NDRG1: variants seen among roughly 807,000 people sequenced by gnomAD.
The protein encoded by NDRG1 is protein NDRG1.
NDRG1 carries 32 observed loss-of-function variants against 56.9 expected under a neutral mutation model. That is an observed-to-expected ratio of 0.56 (90% confidence interval 0.42 to 0.76). NDRG1 has a LOEUF of 0.76. NDRG1 is among the 30% of genes least tolerant of loss of function. The probability of loss-of-function intolerance (pLI) is 0.00; values close to 1 mark genes in which losing one functional copy is unlikely to be tolerated. For missense variants in NDRG1, 507 were observed against 545.7 expected (o/e 0.93, Z 0.71); for synonymous variants, 211 against 204.1 (o/e 1.03, Z -0.29).
chr8:133,244,055 T>G (rs1855530405), intron 14 of NDRG1, among the ~76,000 whole-genome samples: 3 of 152,136 alleles, frequency 2.0e-5, no homozygotes, highest in Admixed American at 2.0e-4. Context: ...CTTGCGGCCC[T>G]TCACTCCAGC....
intron 14 of NDRG1, among the ~76,000 whole-genome samples, chr8:133,243,579 C>T (rs1855499791): frequency 1.3e-5 from 2 of 152,178 alleles, no homozygotes; most frequent in African/African-American, 4.8e-5. Context: ...GTGCTGGTGT[C>T]CTCGAAGCCT....
At chr8:133,250,176 T>G (rs1855933893) in intron 10 of NDRG1, among the ~76,000 whole-genome samples, 1 of 152,174 alleles carries the variant, frequency 6.6e-6, no homozygotes, top group Non-Finnish European at 1.5e-5. Flanking sequence ...ACCCTCTGAG[T>G]GTGCGACTGC....
chr8:133,247,843 A>T, intron 12 of NDRG1, 32 bp downstream of exon 12: 1 of 1,612,844 alleles, frequency 6.2e-7, no homozygotes, highest in Non-Finnish European at 8.5e-7. Flanking sequence ...CTGTTGAATT[A>T]AACACAGAAA....
intron 10 of NDRG1, 36 bp from the exon 11 acceptor site, chr8:133,248,807 C>T: frequency 1.2e-6 from 2 of 1,613,392 alleles, no homozygotes; most frequent in Non-Finnish European, 8.5e-7. Context: ...CATGAGGACC[C>T]CTCCCCTGGA....
intron 3 of NDRG1, among the ~76,000 whole-genome samples, chr8:133,268,989 C>T (rs957318889): frequency 7.2e-5 from 11 of 152,322 alleles, no homozygotes; most frequent in East Asian, 3.9e-4. Context: ...CACTCACAAA[C>T]ACAGGCCTTT....
At chr8:133,296,491 C>T (rs938958029) in intron 1 of NDRG1, 5 of 456,136 alleles carry the variant, frequency 1.1e-5, no homozygotes, top group Non-Finnish European at 2.2e-5. Context: ...CCCACACACA[C>T]GCTTACACTC....
At position 133,297,152 on chromosome 8, in the gene NDRG1, G is replaced by T. The variant is rs921475891; in HGVS notation, c.-37C>A. 1.1e-4 allele frequency: 17 copies of T among 152,394 alleles called. No homozygotes were observed. The highest frequency in any genetic ancestry group is 4.1e-4 in the African/African-American group (17 of 41,470). The allele number at this position is 152,394 out of a possible 1,614,324, so 9.4% of individuals were successfully genotyped here. A position where few individuals can be genotyped will look rare whatever the true frequency, so the allele number is the denominator to read the frequency against. ...GGCTTACCTAACGCGAGGGAGAAAG[G>T]AAAGGACGGTGCCGAGGCTGGCGGC... On this transcript the variant is annotated 5_prime_UTR_variant, in exon 1 of 16. Coordinates refer to ENST00000323851, the MANE Select transcript of NDRG1 (RefSeq NM_006096.4).
At chr8:133,270,567 G>T (rs55773480) in intron 3 of NDRG1, among the ~76,000 whole-genome samples, 11,705 of 152,162 alleles carry the variant, frequency 0.077, 629 homozygotes, top group Middle Eastern at 0.13. Context: ...TTGACCTTTT[G>T]ATTCTTGTCC....
chr8:133,281,017 T>C (rs954629771), intron 2 of NDRG1: 2 of 152,218 alleles, frequency 1.3e-5, no homozygotes, highest in Admixed American at 6.5e-5. Flanking sequence ...CTCTTGTGAG[T>C]AGAAGAGGCA....
At chr8:133,261,955 G>A (rs1856679127) in intron 5 of NDRG1, 92 bp downstream of exon 5, 11 of 1,469,438 alleles carry the variant, frequency 7.5e-6, no homozygotes, top group Middle Eastern at 1.8e-4. Context: ...TTTTACCACA[G>A]TTAAAAAGTA....
intron 3 of NDRG1, among the ~76,000 whole-genome samples, chr8:133,272,628 T>C (rs1001685005): frequency 3.3e-5 from 5 of 152,200 alleles, no homozygotes; most frequent in Non-Finnish European, 7.3e-5. Flanking sequence ...ACCTCTCCTG[T>C]TCCATTGGAG....
intron 6 of NDRG1, 51 bp downstream of exon 6, chr8:133,259,117 A>G (rs1856532997): frequency 6.3e-7 from 1 of 1,585,414 alleles, no homozygotes; most frequent in Non-Finnish European, 8.7e-7. Flanking sequence ...GGAAGATGCT[A>G]GAAACCAGGC....
rs112087596 is a variant in NDRG1 at position 133,237,258 on chromosome 8, T to C, written c.*1620A>G. On this transcript the variant is annotated 3_prime_UTR_variant, in exon 16 of 16. Coordinates refer to ENST00000323851, the MANE Select transcript of NDRG1 (RefSeq NM_006096.4). ...CTCTGGAAAGACTTGTGCACAATAG[T>C]TTCCCATCCGTACTCAGCCTCTCTT... The C allele has an allele frequency of 4.4e-6, 1 of 229,520 alleles. No homozygotes were observed. The highest frequency in any genetic ancestry group is 5.7e-5 in the Admixed American group (1 of 17,652). 14.2% of individuals were successfully genotyped at this position (229,520 alleles called of 1,614,324 possible).
intron 7 of NDRG1, among the ~76,000 whole-genome samples, chr8:133,257,354 G>C (rs1856439164): frequency 6.6e-6 from 1 of 150,928 alleles, no homozygotes; most frequent in Non-Finnish European, 1.5e-5. Context: ...TGAATAACAG[G>C]GATACTTTCT....
At chr8:133,274,212 C>A (rs1857340341) in intron 3 of NDRG1, among the ~76,000 whole-genome samples, 2 of 152,240 alleles carry the variant, frequency 1.3e-5, no homozygotes, top group African/African-American at 4.8e-5. Context: ...TCTGCTCTGG[C>A]AGGCGAGCTG....
intron 1 of NDRG1, among the ~76,000 whole-genome samples, chr8:133,294,504 G>C (rs1021314476): frequency 4.6e-5 from 7 of 152,182 alleles, no homozygotes; most frequent in African/African-American, 9.7e-5. Flanking sequence ...GTCACATCTG[G>C]AATGGGATTC....
At chr8:133,254,495 C>G in intron 9 of NDRG1, 44 bp downstream of exon 9, 1 of 1,608,308 alleles carries the variant, frequency 6.2e-7, no homozygotes, top group Non-Finnish European at 8.5e-7. Flanking sequence ...CACACAATGC[C>G]TTGCTCAGCA....
At chr8:133,278,978 C>T (rs1386962257) in intron 3 of NDRG1, among the ~76,000 whole-genome samples, 2 of 151,534 alleles carry the variant, frequency 1.3e-5, no homozygotes, top group African/African-American at 2.4e-5. Context: ...GCAACCTCTG[C>T]CTCCCAGGTT....
chr8:133,284,457 T>C, intron 1 of NDRG1, 128 bp from the exon 2 acceptor site: 1 of 778,546 alleles, frequency 1.3e-6, no homozygotes, highest in Non-Finnish European at 2.2e-6. Context: ...TCCCTCGTGA[T>C]GCACTGCAGG....
Sources: allele counts gnomAD v4.1 joint callset (sites outside exome capture counted in the v4.1 genomes callset), GRCh38; gene constraint gnomAD v4.1.1; transcripts MANE v1.5; gene names NCBI Gene and HGNC (gene_info 2026-07-23, HGNC 2026-07-21).